The following HIBADH variants were observed in gnomAD, a reference collection of about 807,000 sequenced individuals.
The protein encoded by HIBADH is 3-hydroxyisobutyrate dehydrogenase, mitochondrial.
A neutral mutation model predicts 36.1 loss-of-function variants in HIBADH; 25 were observed. The ratio of observed to expected loss-of-function variants is 0.69; its 90% CI spans 0.50 to 0.97. The LOEUF is 0.97. HIBADH is among the 50% of genes least tolerant of loss of function. The pLI is 0.00. For missense variants in HIBADH, 421 were observed against 418.0 expected (o/e 1.01, Z -0.06); for synonymous variants, 160 against 149.5 (o/e 1.07, Z -0.51).
intron 4 of HIBADH, 31 bp from the exon 5 acceptor site, chr7:27,543,131 C>T: frequency 6.2e-7 from 1 of 1,608,544 alleles, no homozygotes; most frequent in Non-Finnish European, 8.5e-7. Flanking sequence ...GGGATAGAAG[C>T]AAAAGAATAT....
At chr7:27,542,006 C>T (rs1453367794) in intron 5 of HIBADH, among the ~76,000 whole-genome samples, 1 of 152,134 alleles carries the variant, frequency 6.6e-6, no homozygotes, top group Non-Finnish European at 1.5e-5. Context: ...CTTTACATTT[C>T]TCTCAACTGT....
intron 2 of HIBADH, among the ~76,000 whole-genome samples, chr7:27,635,174 C>T (rs371376046): frequency 2.0e-5 from 3 of 151,856 alleles, no homozygotes; most frequent in African/African-American, 7.3e-5. Context: ...GACAGATAAA[C>T]AGACATTCAA....
intron 6 of HIBADH, among the ~76,000 whole-genome samples, chr7:27,532,967 A>G (rs1480046525): frequency 1.3e-5 from 2 of 152,232 alleles, no homozygotes; most frequent in Non-Finnish European, 2.9e-5. Context: ...TATAACTGCA[A>G]AGTACCAAAT....
At chr7:27,613,969 T>C (rs779721410) in intron 4 of HIBADH, among the ~76,000 whole-genome samples, 23 of 152,132 alleles carry the variant, frequency 1.5e-4, no homozygotes, top group Non-Finnish European at 8.8e-5. Context: ...CTAAATCTAG[T>C]GTTATTCTCT....
intron 2 of HIBADH, among the ~76,000 whole-genome samples, chr7:27,634,739 A>G (rs1485456474): frequency 6.6e-6 from 1 of 152,080 alleles, no homozygotes; most frequent in African/African-American, 2.4e-5. Flanking sequence ...CATCTACATA[A>G]CTCCTTTAGA....
At position 27,593,976 on chromosome 7, in the gene HIBADH, T is replaced by C. The variant is rs1442359816; in HGVS notation, c.484+35395A>G. Among the ~76,000 whole-genome samples, 6 of 150,740 alleles carry C rather than the reference T, an allele frequency of 4.0e-5. No individual in the cohort carries two copies. The East Asian group carries it at 9.8e-4, about 25-fold the overall frequency. The stretch of plus-strand genomic sequence containing the variant: ...AGGCGGAGCTTGCAGTGAGCCGAGA[T>C]TGCGCCACTGCACTCCAGCCTGGGC... On this transcript the variant is annotated intron_variant, in intron 4 of 7. Coordinates refer to ENST00000265395, the MANE Select transcript of HIBADH (RefSeq NM_152740.4).
At chr7:27,570,610 G>A (rs887884508) in intron 4 of HIBADH, among the ~76,000 whole-genome samples, 5 of 151,542 alleles carry the variant, frequency 3.3e-5, no homozygotes, top group Non-Finnish European at 5.9e-5. Context: ...ACGTGATGAC[G>A]GTTACACGAC....
At chr7:27,615,611 T>G (rs1467810607) in intron 4 of HIBADH, among the ~76,000 whole-genome samples, 1 of 152,182 alleles carries the variant, frequency 6.6e-6, no homozygotes, top group Non-Finnish European at 1.5e-5. Context: ...CAATGCATTA[T>G]TCATGTTTGT....
intron 4 of HIBADH, among the ~76,000 whole-genome samples, chr7:27,592,286 C>A (rs1784950391): frequency 6.6e-6 from 1 of 152,100 alleles, no homozygotes; most frequent in African/African-American, 2.4e-5. Context: ...CCTGAGGGTC[C>A]ATTTATCTTT....
At chr7:27,534,039 G>T (rs1476818311) in intron 6 of HIBADH, among the ~76,000 whole-genome samples, 1 of 152,166 alleles carries the variant, frequency 6.6e-6, no homozygotes, top group Non-Finnish European at 1.5e-5. Flanking sequence ...TAAACAGAAT[G>T]AATTCATCGC....
intron 4 of HIBADH, among the ~76,000 whole-genome samples, chr7:27,549,552 C>T (rs1282807393): frequency 6.6e-6 from 1 of 152,154 alleles, no homozygotes; most frequent in African/African-American, 2.4e-5. Flanking sequence ...TTTCCTTGAA[C>T]TCAGTTAACA....
At chr7:27,657,170 A>C (rs1786321971) in intron 1 of HIBADH, among the ~76,000 whole-genome samples, 1 of 152,190 alleles carries the variant, frequency 6.6e-6, no homozygotes, top group African/African-American at 2.4e-5. Context: ...CCATATCACC[A>C]AGCTAAGTGA....
chr7:27,662,188 C>T (rs1562665573), intron 1 of HIBADH, among the ~76,000 whole-genome samples: 1 of 152,168 alleles, frequency 6.6e-6, no homozygotes, highest in Non-Finnish European at 1.5e-5. Flanking sequence ...AGACTTACTG[C>T]CTGGCTTGTA....
chr7:27,536,093 T>C (rs1385193511), intron 6 of HIBADH, among the ~76,000 whole-genome samples: 1 of 152,130 alleles, frequency 6.6e-6, no homozygotes, highest in East Asian at 1.9e-4. Flanking sequence ...CTGATGCCAA[T>C]TTTCTCTTTC....
rs548911996 is a variant in HIBADH at position 27,638,540 on chromosome 7, T to C, written c.253-6095A>G. 6.6e-5 allele frequency among the ~76,000 whole-genome samples: 10 copies of C among 152,074 alleles called. No individual in the cohort carries two copies. In the South Asian group the frequency reaches 1.9e-3, roughly 28 times the overall value. On this transcript the variant is annotated intron_variant, in intron 2 of 7. Coordinates refer to ENST00000265395, the MANE Select transcript of HIBADH (RefSeq NM_152740.4). ...TTCTAGACATAGGACCTGGAAAAGATTTCAAGACAAAGATATCAAAAGCAA... is the reference window on the plus strand; with the variant it reads ...TTCTAGACATAGGACCTGGAAAAGACTTCAAGACAAAGATATCAAAAGCAA...
chr7:27,631,258 C>T (rs1022109722), intron 3 of HIBADH, among the ~76,000 whole-genome samples: 3 of 152,176 alleles, frequency 2.0e-5, no homozygotes, highest in African/African-American at 7.2e-5. Context: ...GGACCACACA[C>T]ACTGTGGCCC....
intron 4 of HIBADH, among the ~76,000 whole-genome samples, chr7:27,584,031 T>C (rs1194829338): frequency 6.6e-6 from 1 of 152,042 alleles, no homozygotes; most frequent in Non-Finnish European, 1.5e-5. Context: ...AGCAGATATA[T>C]GTTGTTTTGG....
intron 4 of HIBADH, among the ~76,000 whole-genome samples, chr7:27,607,561 AT>A (rs892988985): frequency 5.3e-5 from 8 of 152,294 alleles, no homozygotes; most frequent in African/African-American, 1.9e-4. Flanking sequence ...CAAAGTCAGA[AT>A]TATGTCGCTG....
Position 27,611,016 on chromosome 7 carries a change from C to T in HIBADH, c.484+18355G>A, listed in dbSNP as rs79161902. ...AAGCCTACCTCTCTAAGAGAAATTT[C>T]TTAATAGGTTTTGTGCTTATTCTAA... On this transcript the variant is annotated intron_variant, in intron 4 of 7. Coordinates refer to ENST00000265395, the MANE Select transcript of HIBADH (RefSeq NM_152740.4). Among the ~76,000 whole-genome samples the T allele has an allele frequency of 1.2e-4, 18 of 152,256 alleles. No individual in the cohort carries two copies. In the East Asian group the frequency reaches 3.1e-3, roughly 26 times the overall value.
Sources: gnomAD v4.1 joint callset for allele counts (sites outside exome capture counted in the v4.1 genomes callset) on GRCh38, gnomAD v4.1.1 for gene constraint, MANE v1.5 for transcripts, NCBI Gene and HGNC (gene_info 2026-07-23, HGNC 2026-07-21) for gene names.